Variants in MACROD2 observed in about 807,000 individuals in gnomAD.
The protein encoded by MACROD2 is mono-ADP ribosylhydrolase 2, also known as ADP-ribose glycohydrolase MACROD2.
Under a neutral mutation model 70.4 loss-of-function variants are expected in MACROD2, and 36 were observed. That is an observed-to-expected ratio of 0.51 (90% CI 0.39 to 0.68). The LOEUF (loss-of-function observed/expected upper bound fraction) is 0.68, where lower values mean the gene tolerates loss of function less well. Among genes scored for constraint, MACROD2 ranks in the 30% least tolerant of loss-of-function variants. MACROD2 has a pLI of 0.00. For synonymous variants in MACROD2, 172 were observed against 178.8 expected (o/e 0.96, Z 0.30); for missense variants, 496 against 538.4 (o/e 0.92, Z 0.78).
intron 5 of MACROD2, among the ~76,000 whole-genome samples, chr20:15,169,328 C>T (rs1481425287): frequency 6.6e-6 from 1 of 152,120 alleles, no homozygotes; most frequent in Non-Finnish European, 1.5e-5. Context: ...GAGTGGAGGA[C>T]TATTTCTTGA....
At chr20:15,302,057 G>A (rs1454305763) in intron 6 of MACROD2, among the ~76,000 whole-genome samples, 1 of 152,008 alleles carries the variant, frequency 6.6e-6, no homozygotes, top group Non-Finnish European at 1.5e-5. Context: ...AAACGTGGTC[G>A]GTGCTCACTG....
chr20:15,730,686 A>G (rs539057962), intron 8 of MACROD2, among the ~76,000 whole-genome samples: 2 of 151,838 alleles, frequency 1.3e-5, no homozygotes, highest in African/African-American at 2.4e-5. Context: ...CTCGTACCGT[A>G]TCTTGCAAGG....
chr20:14,025,928 A>G (rs1013032734), intron 2 of MACROD2, among the ~76,000 whole-genome samples: 10 of 152,162 alleles, frequency 6.6e-5, no homozygotes, highest in Non-Finnish European at 1.5e-4. Flanking sequence ...TGATCTGTCT[A>G]ATATTGACAG....
At chr20:15,091,983 C>A (rs1427403974) in intron 5 of MACROD2, among the ~76,000 whole-genome samples, 1 of 150,952 alleles carries the variant, frequency 6.6e-6, no homozygotes, top group East Asian at 1.9e-4. Flanking sequence ...ACGACAAATA[C>A]TTAGGCTGGA....
intron 6 of MACROD2, among the ~76,000 whole-genome samples, chr20:15,413,519 G>C (rs2046106910): frequency 6.6e-6 from 1 of 152,096 alleles, no homozygotes; most frequent in Non-Finnish European, 1.5e-5. Context: ...GGAGGATGAA[G>C]GAAGGAAGAC....
chr20:14,307,193 T>C (rs1169368782), intron 3 of MACROD2, among the ~76,000 whole-genome samples: 6 of 152,162 alleles, frequency 3.9e-5, no homozygotes, highest in Non-Finnish European at 8.8e-5. Flanking sequence ...GCCTCCATAT[T>C]AATTTAATAA....
intron 4 of MACROD2, among the ~76,000 whole-genome samples, chr20:14,617,933 G>T (rs1983574640): frequency 6.6e-6 from 1 of 152,160 alleles, no homozygotes; most frequent in South Asian, 2.1e-4. Context: ...CTAGACTTCA[G>T]AGTCTTGGAG....
At chr20:15,051,061 G>A (rs1377518598) in intron 5 of MACROD2, among the ~76,000 whole-genome samples, 1 of 151,854 alleles carries the variant, frequency 6.6e-6, no homozygotes, top group Non-Finnish European at 1.5e-5. Flanking sequence ...TAATTTTCTG[G>A]AGTCTAATAA....
chr20:15,808,316 T>A (rs555195676), intron 8 of MACROD2, among the ~76,000 whole-genome samples: 56 of 152,338 alleles, frequency 3.7e-4, no homozygotes, highest in Admixed American at 7.2e-4. Flanking sequence ...ACTTCTTACT[T>A]GTAATTCATC....
chr20:14,715,151 G>A (rs1039191322), intron 5 of MACROD2, among the ~76,000 whole-genome samples: 1 of 152,144 alleles, frequency 6.6e-6, no homozygotes, highest in Non-Finnish European at 1.5e-5. Context: ...AACACATTAT[G>A]CTTCTCATGG....
rs868634608 is a variant in MACROD2 at position 16,035,182 on chromosome 20, A to T, written c.1154-6019A>T. 1.4e-4 allele frequency among the ~76,000 whole-genome samples: 18 copies of T among 126,864 alleles called. 1 individual carries two copies. Among genetic ancestry groups the T allele is most frequent in the African/African-American group, 5.5e-4 (16 of 29,144 alleles). The allele number at this position is 126,864 out of a possible 152,430, so 83.2% of individuals were successfully genotyped here. A position where few individuals can be genotyped will look rare whatever the true frequency, so the allele number is the denominator to read the frequency against. ...TAATATAAAATATAAAATATTATAT[A>T]TTATATATAAAATATAATATAAAAT... On this transcript the variant is annotated intron_variant, in intron 15 of 17. Transcript: ENST00000684519.
At chr20:15,193,067 T>C (rs2076582324) in intron 5 of MACROD2, among the ~76,000 whole-genome samples, 1 of 152,174 alleles carries the variant, frequency 6.6e-6, no homozygotes, top group Non-Finnish European at 1.5e-5. Context: ...CGGTTGTGCA[T>C]GAGAATACGT....
At chr20:14,457,847 C>G (rs896369263) in intron 3 of MACROD2, among the ~76,000 whole-genome samples, 4 of 152,052 alleles carry the variant, frequency 2.6e-5, no homozygotes, top group Non-Finnish European at 5.9e-5. Context: ...TGCCTGTAAT[C>G]CTGACACTTT....
At chr20:14,623,948 A>G (rs544318661) in intron 4 of MACROD2, among the ~76,000 whole-genome samples, 9 of 152,342 alleles carry the variant, frequency 5.9e-5, no homozygotes, top group African/African-American at 2.2e-4. Context: ...AGCACTTCAC[A>G]TTCACTTGAA....
intron 6 of MACROD2, 44 bp from the exon 7 acceptor site, chr20:15,431,361 T>C (rs758437462): frequency 1.3e-6 from 2 of 1,550,356 alleles, no homozygotes; most frequent in South Asian, 1.1e-5. Flanking sequence ...TTGCGTAGAG[T>C]TGTTTCTTTA....
intron 4 of MACROD2, among the ~76,000 whole-genome samples, chr20:14,583,083 AG>A (rs1981148027): frequency 6.6e-6 from 1 of 152,184 alleles, no homozygotes; most frequent in Non-Finnish European, 1.5e-5. Context: ...TGACTGTAGC[AG>A]ATGACTCTCA....
Position 13,995,845 on chromosome 20 carries a change from T to TGGGGGGGGGGGGGGGGGGG in MACROD2, c.46+41_46+42insGGGGGGGGGGGGGGGGGGG. On this transcript the variant is annotated intron_variant, in intron 1 of 17. Coordinates refer to ENST00000684519, the MANE Select transcript of MACROD2 (RefSeq NM_001351661.2). This position sits in a 1 kb window ranked among gnomAD's most constrained non-coding sequence, Gnocchi z 4.3. ...CGTCGAGTCCTGGGGGTGCGGGCGG[T>TGGGGGGGGGGGGGGGGGGG]GGGGGTTAGGGTGGGGGCGGGGGTC... 2 of 298,328 alleles carry TGGGGGGGGGGGGGGGGGGG rather than the reference T, an allele frequency of 6.7e-6. No individual in the cohort carries two copies. The highest frequency in any genetic ancestry group is 1.2e-5 in the Non-Finnish European group (2 of 160,956). The allele number at this position is 298,328 out of a possible 1,614,324, so 18.5% of individuals were successfully genotyped here.
chr20:14,643,553 T>A (rs915537895), intron 4 of MACROD2, among the ~76,000 whole-genome samples: 2 of 152,228 alleles, frequency 1.3e-5, no homozygotes, highest in African/African-American at 4.8e-5. Context: ...TTCACAAATT[T>A]AAATTTATAA....
chr20:15,912,540 T>A (rs2065252367), intron 10 of MACROD2, among the ~76,000 whole-genome samples: 1 of 152,248 alleles, frequency 6.6e-6, no homozygotes, highest in Non-Finnish European at 1.5e-5. Flanking sequence ...CTGAGGTTTT[T>A]CTTTTCAACT....
Sources: gnomAD v4.1 joint callset for allele counts (sites outside exome capture counted in the v4.1 genomes callset) on GRCh38, gnomAD v4.1.1 for gene constraint, Gnocchi (gnomAD v3.1) non-coding constraint, MANE v1.5 for transcripts, NCBI Gene and HGNC (gene_info 2026-07-23, HGNC 2026-07-21) for gene names.